The following FCHSD2 variants were observed in gnomAD, a reference collection of about 807,000 sequenced individuals.
FCHSD2 encodes the protein FCH and double SH3 domains 2, also known as F-BAR and double SH3 domains protein 2.
A neutral mutation model predicts 108.1 loss-of-function variants in FCHSD2; 38 were observed. The ratio of observed to expected loss-of-function variants is 0.35; its 90% CI spans 0.27 to 0.46. The LOEUF is 0.46. FCHSD2 is among the 20% of genes least tolerant of loss of function. The probability of loss-of-function intolerance (pLI) is 1.00; values close to 1 mark genes in which losing one functional copy is unlikely to be tolerated. For synonymous variants in FCHSD2, 279 were observed against 314.7 expected, an observed-to-expected ratio of 0.89 and a Z score of 1.20; for missense variants, 751 against 897.8, an observed-to-expected ratio of 0.84 and a Z score of 2.09.
chr11:73,057,464 C>T (rs1021946106), intron 3 of FCHSD2, among the ~76,000 whole-genome samples: 1 of 151,972 alleles, frequency 6.6e-6, no homozygotes. Flanking sequence ...GCCCTCACAG[C>T]CAACAGAGGT....
intron 2 of FCHSD2, among the ~76,000 whole-genome samples, chr11:73,123,480 A>G (rs1860782334): frequency 6.6e-6 from 1 of 152,202 alleles, no homozygotes; most frequent in Non-Finnish European, 1.5e-5. Context: ...AAAATCTACC[A>G]ACGCAGAATC....
chr11:73,062,251 A>ACC, intron 3 of FCHSD2, among the ~76,000 whole-genome samples: 1 of 152,322 alleles, frequency 6.6e-6, no homozygotes, highest in East Asian at 1.9e-4. Context: ...ACAGAAAGGA[A>ACC]TAGCATGTGC....
intron 8 of FCHSD2, among the ~76,000 whole-genome samples, chr11:72,936,371 T>G (rs757742164): frequency 7.2e-5 from 11 of 152,242 alleles, no homozygotes; most frequent in Non-Finnish European, 1.5e-4. Context: ...AGTATCTCCT[T>G]AAGAGGTCTG....
rs200133588 is a variant in FCHSD2, at chr11:72,946,547, T to TA, written c.706-24598dup. ...GTACCCTAAAACTTAAAGTATAATT[T>TA]AAAAAAAACTAGACAATTACATGGT... On this transcript the variant is annotated intron_variant, in intron 8 of 19. Transcript: ENST00000409418. Among the ~76,000 whole-genome samples the TA allele has an allele frequency of 5.3e-3, 802 of 151,834 alleles. 9 individuals carry two copies. The highest frequency in any genetic ancestry group is 0.019 in the African/African-American group (774 of 41,422).
chr11:73,096,537 C>CAAAGG (rs1279443176), intron 2 of FCHSD2, among the ~76,000 whole-genome samples: 38 of 151,492 alleles, frequency 2.5e-4, no homozygotes, highest in East Asian at 5.8e-4. Context: ...GGTGGCAGAG[C>CAAAGG]AAAGGAAAGG....
intron 3 of FCHSD2, among the ~76,000 whole-genome samples, chr11:73,076,209 G>A (rs1487978279): frequency 6.6e-6 from 1 of 152,140 alleles, no homozygotes; most frequent in Non-Finnish European, 1.5e-5. Flanking sequence ...ATGAAAACAT[G>A]TCTAAATAAA....
At position 73,045,468 on chromosome 11, in the gene FCHSD2, C is replaced by T. The variant is rs1353608694; in HGVS notation, c.166-29583G>A. On this transcript the variant is annotated intron_variant, in intron 3 of 19. Coordinates refer to ENST00000409418, the MANE Select transcript of FCHSD2 (RefSeq NM_014824.3). ...ATGCTGCTATAAAGACACATGCACACGTATGTTTATTGTGGCACTATTCAC... is the reference window on the plus strand; with the variant it reads ...ATGCTGCTATAAAGACACATGCACATGTATGTTTATTGTGGCACTATTCAC... Among the ~76,000 whole-genome samples the T allele has an allele frequency of 5.3e-5, 8 of 151,986 alleles. No individual in the cohort carries two copies. The South Asian group carries it at 8.3e-4, about 16-fold the overall frequency.
intron 4 of FCHSD2, among the ~76,000 whole-genome samples, chr11:73,011,492 C>T (rs1857862991): frequency 6.6e-6 from 1 of 152,216 alleles, no homozygotes; most frequent in Non-Finnish European, 1.5e-5. Flanking sequence ...GGCAGCAGCT[C>T]ACACTTCTCT....
intron 3 of FCHSD2, among the ~76,000 whole-genome samples, chr11:73,048,217 C>T (rs909212511): frequency 1.4e-4 from 22 of 152,186 alleles, no homozygotes; most frequent in African/African-American, 4.6e-4. Flanking sequence ...TCTGTATATC[C>T]TGTTTAGCCA....
At chr11:73,072,770 T>C (rs1859465675) in intron 3 of FCHSD2, among the ~76,000 whole-genome samples, 1 of 152,150 alleles carries the variant, frequency 6.6e-6, no homozygotes, top group African/African-American at 2.4e-5. Flanking sequence ...ACCGCTAAAT[T>C]AAGCTACATT....
intron 14 of FCHSD2, among the ~76,000 whole-genome samples, chr11:72,845,001 G>C (rs996688466): frequency 1.3e-5 from 2 of 152,130 alleles, no homozygotes; most frequent in African/African-American, 4.8e-5. Flanking sequence ...CCAGCAAAAG[G>C]CATTTTTGTA....
At chr11:72,944,623 G>A (rs1230000507) in intron 8 of FCHSD2, among the ~76,000 whole-genome samples, 1 of 152,180 alleles carries the variant, frequency 6.6e-6, no homozygotes, top group Non-Finnish European at 1.5e-5. Flanking sequence ...CCTGTTTGTA[G>A]ATGACATGAT....
At chr11:73,131,731 A>C (rs572142986) in intron 2 of FCHSD2, among the ~76,000 whole-genome samples, 3 of 152,140 alleles carry the variant, frequency 2.0e-5, no homozygotes, top group African/African-American at 7.2e-5. Context: ...AAAAAATTTA[A>C]AAAATAAGAA....
chr11:72,863,739 G>T (rs1854653879), intron 13 of FCHSD2, among the ~76,000 whole-genome samples: 1 of 152,068 alleles, frequency 6.6e-6, no homozygotes, highest in Non-Finnish European at 1.5e-5. Context: ...ATGAAAAGAT[G>T]ATCAACATTA....
chr11:73,093,300 C>A (rs1430234188), intron 2 of FCHSD2, among the ~76,000 whole-genome samples: 1 of 152,164 alleles, frequency 6.6e-6, no homozygotes, highest in Non-Finnish European at 1.5e-5. Context: ...TAAATCATAA[C>A]CTTACTGAGT....
intron 13 of FCHSD2, among the ~76,000 whole-genome samples, chr11:72,853,165 G>C (rs1253090735): frequency 1.3e-5 from 2 of 152,086 alleles, no homozygotes; most frequent in South Asian, 2.1e-4. Flanking sequence ...TTGAGTTCGA[G>C]ACTAGAAAGC....
intron 10 of FCHSD2, among the ~76,000 whole-genome samples, chr11:72,891,021 A>G (rs1855303178): frequency 6.6e-6 from 1 of 151,388 alleles, no homozygotes; most frequent in Non-Finnish European, 1.5e-5. Flanking sequence ...GGCTCAAGTG[A>G]CTCTCCCACT....
At chr11:72,935,011 C>T (rs755794004) in intron 8 of FCHSD2, among the ~76,000 whole-genome samples, 1 of 152,108 alleles carries the variant, frequency 6.6e-6, no homozygotes, top group Non-Finnish European at 1.5e-5. Flanking sequence ...ATTACCTCTG[C>T]CCTCTTTATT....
At chr11:73,070,968 T>C (rs1358789905) in intron 3 of FCHSD2, among the ~76,000 whole-genome samples, 1 of 152,182 alleles carries the variant, frequency 6.6e-6, no homozygotes, top group African/African-American at 2.4e-5. Context: ...ACTGGCATCC[T>C]TCAGATGGGA....
Sources: gnomAD v4.1 joint callset for allele counts (sites outside exome capture counted in the v4.1 genomes callset) on GRCh38, gnomAD v4.1.1 for gene constraint, MANE v1.5 for transcripts, NCBI Gene and HGNC (gene_info 2026-07-23, HGNC 2026-07-21) for gene names.